Variants in AP2A2 observed in about 807,000 individuals in gnomAD.
AP2A2 encodes adaptor related protein complex 2 subunit alpha 2, also known as AP-2 complex subunit alpha-2.
In AP2A2, 32 loss-of-function variants were observed where a neutral mutation model predicts 104.2. That is an observed-to-expected ratio of 0.31 (90% CI 0.23 to 0.41). AP2A2 has a LOEUF of 0.41. Among genes scored for constraint, AP2A2 ranks in the 10% least tolerant of loss-of-function variants. AP2A2 has a pLI of 1.00. For synonymous variants in AP2A2, 539 were observed against 533.3 expected (o/e 1.01, Z -0.15); for missense variants, 912 against 1,261.0 (o/e 0.72, Z 4.19).
intron 6 of AP2A2, 40 bp downstream of exon 6, chr11:981,339 T>A: frequency 6.9e-7 from 1 of 1,448,050 alleles, no homozygotes; most frequent in Non-Finnish European, 9.6e-7. Flanking sequence ...AGGGTGGGTT[T>A]TGTCTTAGTT....
intron 1 of AP2A2, among the ~76,000 whole-genome samples, chr11:932,538 T>A (rs1422845035): frequency 6.6e-6 from 1 of 152,280 alleles, no homozygotes; most frequent in Non-Finnish European, 1.5e-5. Context: ...TCCTTTTGAC[T>A]GTACATTCCT....
chr11:945,189 G>A (rs1242468459), intron 1 of AP2A2, among the ~76,000 whole-genome samples: 1 of 152,134 alleles, frequency 6.6e-6, no homozygotes, highest in Non-Finnish European at 1.5e-5. Context: ...GATACATTGA[G>A]GGTGACTCCT....
intron 2 of AP2A2, among the ~76,000 whole-genome samples, chr11:962,663 G>C (rs777073053): frequency 1.3e-5 from 2 of 152,156 alleles, no homozygotes; most frequent in Non-Finnish European, 2.9e-5. Flanking sequence ...AACTGGGAAG[G>C]CGGAGGTTGC....
At position 970,194 on chromosome 11, in the gene AP2A2, T is replaced by TA. The variant is rs753029866; in HGVS notation, c.170dup (p.Tyr58ValfsTer14). ...GTGACAAGGCTCTTGATGGCTATAGTAAAAAAAAGTACGTCTGCAAGTTGC... is the reference window on the plus strand; with the variant it reads ...GTGACAAGGCTCTTGATGGCTATAGTAAAAAAAAAGTACGTCTGCAAGTTGC... On this transcript the variant is annotated frameshift_variant, in exon 3 of 22. Coordinates refer to ENST00000448903, the MANE Select transcript of AP2A2 (RefSeq NM_012305.4). LOFTEE classifies it high-confidence loss of function. 2.5e-6 allele frequency: 4 copies of TA among 1,613,326 alleles called. No individual in the cohort carries two copies. The highest frequency in any genetic ancestry group is 3.4e-6 in the Non-Finnish European group (4 of 1,179,610).
At chr11:949,789 A>AC in intron 1 of AP2A2, among the ~76,000 whole-genome samples, 1 of 151,960 alleles carries the variant, frequency 6.6e-6, no homozygotes. Context: ...AAGAAAAAAA[A>AC]AAAAACAGGT....
At chr11:939,716 A>G (rs1853580825) in intron 1 of AP2A2, among the ~76,000 whole-genome samples, 1 of 152,078 alleles carries the variant, frequency 6.6e-6, no homozygotes, top group Non-Finnish European at 1.5e-5. Context: ...AAGTGCTGGG[A>G]TTACAGGCGT....
At position 972,330 on chromosome 11, in the gene AP2A2, G is replaced by C. The variant is rs894388436; in HGVS notation, c.473+75G>C. The C allele has an allele frequency of 5.0e-6, 7 of 1,395,784 alleles. No individual in the cohort carries two copies. The East Asian group carries it at 1.5e-4, about 30-fold the overall frequency. The allele number at this position is 1,395,784 out of a possible 1,614,324, so 86.5% of individuals were successfully genotyped here. On this transcript the variant is annotated intron_variant, in intron 4 of 21. Coordinates refer to ENST00000448903, the MANE Select transcript of AP2A2 (RefSeq NM_012305.4). ...TGCCAAATACATCAAATATGGAGCT[G>C]CTTAGCCTAGGAAATGTTTTACTCT...
chr11:978,576 C>A (rs1381559192), intron 5 of AP2A2, among the ~76,000 whole-genome samples: 1 of 152,206 alleles, frequency 6.6e-6, no homozygotes, highest in African/African-American at 2.4e-5. Context: ...CCACAGCCAA[C>A]CCCAGGGTGG....
intron 9 of AP2A2, 122 bp downstream of exon 9, chr11:987,075 G>C: frequency 8.5e-7 from 1 of 1,183,290 alleles, no homozygotes; most frequent in Non-Finnish European, 1.2e-6. Flanking sequence ...TGCTGGTGCT[G>C]CTGGCCTCCG....
chr11:929,979 G>A (rs1331199093), intron 1 of AP2A2, among the ~76,000 whole-genome samples: 1 of 151,972 alleles, frequency 6.6e-6, no homozygotes, highest in African/African-American at 2.4e-5. Flanking sequence ...ACATTAGCTG[G>A]GCGTGGTGGC....
chr11:985,905 G>T (rs1373079188), intron 8 of AP2A2, among the ~76,000 whole-genome samples: 1 of 152,328 alleles, frequency 6.6e-6, no homozygotes, highest in East Asian at 1.9e-4. Context: ...GGGTGTGCGC[G>T]CATGTCCCGT....
At chr11:927,942 G>C (rs571005302) in intron 1 of AP2A2, among the ~76,000 whole-genome samples, 4 of 151,854 alleles carry the variant, frequency 2.6e-5, no homozygotes, top group Non-Finnish European at 5.9e-5. Context: ...CTAAGTGTGT[G>C]TATTATTTCT....
chr11:1,001,163 C>T (rs574598504), intron 15 of AP2A2, among the ~76,000 whole-genome samples: 53 of 152,204 alleles, frequency 3.5e-4, no homozygotes, highest in Non-Finnish European at 6.6e-4. Flanking sequence ...AATTTCTGTC[C>T]GGTGCCTGGG....
chr11:942,355 G>A (rs544237979), intron 1 of AP2A2: 24 of 152,346 alleles, frequency 1.6e-4, no homozygotes, highest in African/African-American at 5.8e-4. Flanking sequence ...TAAGCAAGTA[G>A]GAAGGACCTT....
chr11:994,472 C>G (rs998442225), intron 14 of AP2A2, among the ~76,000 whole-genome samples: 1 of 150,816 alleles, frequency 6.6e-6, no homozygotes, highest in Non-Finnish European at 1.5e-5. Flanking sequence ...GCTGTCCTGT[C>G]CCGGGGGCCA....
At chr11:980,434 CCGG>C (rs1262283337) in intron 5 of AP2A2, among the ~76,000 whole-genome samples, 5 of 36,840 alleles carry the variant, frequency 1.4e-4, no homozygotes, top group African/African-American at 1.5e-4. Context: ...GACAGGCTGC[CCGG>C]TGCCGTGTCC....
chr11:988,584 C>T lies in AP2A2; in HGVS notation c.1164C>T (p.Ala388=), dbSNP rs748276511. 41 of 1,612,808 alleles carry T rather than the reference C, an allele frequency of 2.5e-5. No individual in the cohort carries two copies. The highest frequency in any genetic ancestry group is 3.3e-5 in the South Asian group (3 of 91,090). The part of the protein sequence containing the change: ...TERDVSVRQR[A]VDLLYAMCDR... Reference sequence around the variant, plus strand: ...GGGACGTGAGCGTGCGGCAGCGGGCCGTGGACCTCCTCTACGCCATGTGCG... The same window carrying T: ...GGGACGTGAGCGTGCGGCAGCGGGCTGTGGACCTCCTCTACGCCATGTGCG... The change falls in exon 10 of 22, where the codon GCC becomes GCT. Residue 388 remains alanine (A), a synonymous_variant. Transcript: ENST00000448903.
intron 1 of AP2A2, among the ~76,000 whole-genome samples, chr11:930,264 G>A (rs1853246704): frequency 6.6e-6 from 1 of 151,952 alleles, no homozygotes; most frequent in African/African-American, 2.4e-5. Context: ...TCTTAGCATA[G>A]GCAGCAATGA....
At chr11:972,028 T>G in intron 3 of AP2A2, 34 bp from the exon 4 acceptor site, 137 of 1,581,690 alleles carry the variant, frequency 8.7e-5, no homozygotes, top group Middle Eastern at 1.7e-4. Context: ...TGGATTGTCA[T>G]GAGCTTTCTC....
Sources: gnomAD v4.1 joint callset for allele counts (sites outside exome capture counted in the v4.1 genomes callset) on GRCh38, gnomAD v4.1.1 for gene constraint, MANE v1.5 for transcripts, NCBI Gene and HGNC (gene_info 2026-07-23, HGNC 2026-07-21) for gene names.